INPP4B: variants seen among roughly 807,000 people sequenced by gnomAD.
INPP4B encodes inositol polyphosphate 4-phosphatase type II.
A neutral mutation model predicts 122.5 loss-of-function variants in INPP4B; 55 were observed. The observed-to-expected ratio is 0.45, with a 90% confidence interval of 0.36 to 0.56. INPP4B has a LOEUF of 0.56. INPP4B is among the 20% of genes least tolerant of loss of function. The probability of loss-of-function intolerance (pLI) is 0.00; values close to 1 mark genes in which losing one functional copy is unlikely to be tolerated. For missense variants in INPP4B, 1,000 were observed against 1,097.7 expected (o/e 0.91, Z 1.26); for synonymous variants, 403 against 388.7 (o/e 1.04, Z -0.43).
At chr4:142,418,395 A>G (rs1806197701) in intron 5 of INPP4B, among the ~76,000 whole-genome samples, 3 of 152,174 alleles carry the variant, frequency 2.0e-5, no homozygotes, top group Admixed American at 2.0e-4. Flanking sequence ...TGAACGTCCA[A>G]ATGTGCCCAA....
intron 2 of INPP4B, among the ~76,000 whole-genome samples, chr4:142,664,818 A>G (rs1363845307): frequency 6.6e-6 from 1 of 152,236 alleles, no homozygotes; most frequent in Non-Finnish European, 1.5e-5. Context: ...ATCCTTATGT[A>G]GTCATGCCTT....
chr4:142,203,058 G>A (rs573628025), intron 14 of INPP4B, among the ~76,000 whole-genome samples: 2 of 152,198 alleles, frequency 1.3e-5, no homozygotes, highest in East Asian at 3.9e-4. Flanking sequence ...GAGAATCCAC[G>A]AGTGAAACTC....
At chr4:142,295,159 G>A (rs1200626654) in intron 9 of INPP4B, among the ~76,000 whole-genome samples, 1 of 152,088 alleles carries the variant, frequency 6.6e-6, no homozygotes, top group Non-Finnish European at 1.5e-5. Context: ...GTTTGGGGTA[G>A]GTAAAATATT....
chr4:142,645,126 T>TA (rs1166367089), intron 2 of INPP4B, among the ~76,000 whole-genome samples: 1 of 152,188 alleles, frequency 6.6e-6, no homozygotes. Context: ...TTGTTAATTT[T>TA]AAATTCTGTC....
At chr4:142,121,030 C>T (rs546296924) in intron 21 of INPP4B, among the ~76,000 whole-genome samples, 6 of 152,176 alleles carry the variant, frequency 3.9e-5, no homozygotes, top group African/African-American at 1.4e-4. Flanking sequence ...ACTCTGCCTA[C>T]ACTAAATGGC....
At chr4:142,656,124 G>C (rs1382381024) in intron 2 of INPP4B, among the ~76,000 whole-genome samples, 1 of 152,178 alleles carries the variant, frequency 6.6e-6, no homozygotes. Flanking sequence ...GCAGGGAGGA[G>C]CCTGGCCCCT....
chr4:142,254,608 T>A (rs1167960693), intron 11 of INPP4B, among the ~76,000 whole-genome samples: 1 of 151,812 alleles, frequency 6.6e-6, no homozygotes, highest in Admixed American at 6.6e-5. Context: ...GTATCAGCGA[T>A]GGAAGATGAA....
intron 16 of INPP4B, among the ~76,000 whole-genome samples, chr4:142,171,005 G>T (rs2152940995): frequency 6.6e-6 from 1 of 151,766 alleles, no homozygotes; most frequent in African/African-American, 2.4e-5. Context: ...CCTACTCAAA[G>T]ACTCCTGGAA....
chr4:142,449,513 C>A (rs1467075028), intron 3 of INPP4B, among the ~76,000 whole-genome samples: 1 of 151,850 alleles, frequency 6.6e-6, no homozygotes, highest in African/African-American at 2.4e-5. Context: ...ACCATCCTGG[C>A]CAACATGGTG....
chr4:142,488,301 A>G (rs1030782181), intron 2 of INPP4B, among the ~76,000 whole-genome samples: 7 of 152,016 alleles, frequency 4.6e-5, no homozygotes, highest in Non-Finnish European at 8.8e-5. Flanking sequence ...TTGATTTCCA[A>G]TATTTTGTTA....
At chr4:142,416,732 G>A (rs1252657192) in intron 5 of INPP4B, among the ~76,000 whole-genome samples, 2 of 152,044 alleles carry the variant, frequency 1.3e-5, no homozygotes, top group East Asian at 1.9e-4. Context: ...CTCCAGTTTC[G>A]CTTCAGTCAT....
chr4:142,216,698 C>T (rs1284076296), intron 12 of INPP4B, among the ~76,000 whole-genome samples: 1 of 152,150 alleles, frequency 6.6e-6, no homozygotes, highest in Non-Finnish European at 1.5e-5. Flanking sequence ...TCATTATATA[C>T]TCCGAACCTT....
intron 22 of INPP4B, among the ~76,000 whole-genome samples, chr4:142,109,683 C>T (rs530948816): frequency 5.9e-5 from 9 of 152,284 alleles, no homozygotes; most frequent in South Asian, 2.1e-4. Context: ...ACTTCCCCCA[C>T]GGATTCATCT....
chr4:142,650,332 C>T (rs956459540), intron 2 of INPP4B, among the ~76,000 whole-genome samples: 2 of 152,134 alleles, frequency 1.3e-5, no homozygotes, highest in African/African-American at 2.4e-5. Flanking sequence ...AACCAGCTAA[C>T]ATCATAATGA....
At chr4:142,477,657 C>G (rs940709862) in intron 2 of INPP4B, among the ~76,000 whole-genome samples, 35 of 152,068 alleles carry the variant, frequency 2.3e-4, no homozygotes, top group African/African-American at 8.0e-4. Context: ...AAACTCTATA[C>G]ACCCAAACTT....
intron 7 of INPP4B, among the ~76,000 whole-genome samples, chr4:142,338,069 T>A (rs1579780970): frequency 6.6e-6 from 1 of 152,268 alleles, no homozygotes; most frequent in East Asian, 1.9e-4. Context: ...CAGAATTGCC[T>A]GTATTGCTTT....
chr4:142,085,263 G>A (rs1445998518), intron 24 of INPP4B, among the ~76,000 whole-genome samples: 1 of 152,206 alleles, frequency 6.6e-6, no homozygotes, highest in Non-Finnish European at 1.5e-5. Context: ...TTGAAGCACT[G>A]GAAGTAGGGG....
At chr4:142,305,600 T>C in intron 8 of INPP4B, 63 bp from the exon 9 acceptor site, 1 of 1,546,354 alleles carries the variant, frequency 6.5e-7, no homozygotes, top group Non-Finnish European at 8.8e-7. Context: ...TGCTGTCACA[T>C]CAATCAAACA....
intron 11 of INPP4B, among the ~76,000 whole-genome samples, chr4:142,249,378 G>A (rs1228350558): frequency 6.6e-6 from 1 of 152,010 alleles, no homozygotes; most frequent in African/African-American, 2.4e-5. Context: ...ACCAAAAAAA[G>A]AGAGAATTAA....
Sources: allele counts gnomAD v4.1 joint callset (sites outside exome capture counted in the v4.1 genomes callset), GRCh38; gene constraint gnomAD v4.1.1; transcripts MANE v1.5; gene names NCBI Gene and HGNC (gene_info 2026-07-23, HGNC 2026-07-21).